CEP152: variants seen among roughly 807,000 people sequenced by gnomAD.
CEP152 encodes centrosomal protein of 152 kDa.
A neutral mutation model predicts 188.9 loss-of-function variants in CEP152; 132 were observed. The ratio of observed to expected loss-of-function variants is 0.70; its 90% CI spans 0.61 to 0.81. The LOEUF (loss-of-function observed/expected upper bound fraction) is 0.81, where lower values mean the gene tolerates loss of function less well. CEP152 is among the 30% of genes least tolerant of loss of function. The probability of loss-of-function intolerance (pLI) is 0.00; values close to 1 mark genes in which losing one functional copy is unlikely to be tolerated. For missense variants in CEP152, 1,914 were observed against 1,969.8 expected (o/e 0.97, Z 0.54); for synonymous variants, 649 against 666.6 (o/e 0.97, Z 0.41).
At chr15:48,798,670 T>C (rs534898174) in intron 2 of CEP152, among the ~76,000 whole-genome samples, 6 of 152,332 alleles carry the variant, frequency 3.9e-5, no homozygotes, top group Non-Finnish European at 5.9e-5. Context: ...CTGTTTTCTA[T>C]AGATAGCACA....
chr15:48,756,261 GC>G lies in CEP152; in HGVS notation c.2986del (p.Ala996GlnfsTer7). ...TTGTTTCATAAAGTCTTCTTTAGCT[GC>G]CGCAAGCACCTCATTAATTTTATTT... ...HRNKINEVLA[A>X]AKEDFMKQKT... On this transcript the variant is annotated frameshift_variant, in exon 20 of 27. Transcript: ENST00000380950. LOFTEE classifies it high-confidence loss of function. 6.3e-7 allele frequency: 1 copy of G among 1,596,992 alleles called. No individual in the cohort carries two copies. The highest frequency in any genetic ancestry group is 8.5e-7 in the Non-Finnish European group (1 of 1,171,792).
chr15:48,744,160 C>T, intron 24 of CEP152, 80 bp downstream of exon 24: 3 of 1,568,714 alleles, frequency 1.9e-6, no homozygotes, highest in Admixed American at 1.8e-5. Flanking sequence ...AGAACTACTG[C>T]TGGTAAACTC....
Position 48,729,995 on chromosome 15 carries a change from G to GC in CEP152, c.142+11635dup, listed in dbSNP as rs200251577. On this transcript the variant is annotated intron_variant and NMD_transcript_variant, in intron 2 of 3. Transcript: ENST00000561245. ...ACTGGAGTGAAGAAGCTCCCCACCG[G>GC]CCCCCCCCAAAAAAAATTACTACAA... 5.3e-3 allele frequency among the ~76,000 whole-genome samples: 800 copies of GC among 150,594 alleles called. 5 individuals carry two copies. The highest frequency in any genetic ancestry group is 0.016 in the African/African-American group (654 of 41,022).
intron 12 of CEP152, among the ~76,000 whole-genome samples, chr15:48,774,905 T>A (rs1364703222): frequency 6.6e-6 from 1 of 151,774 alleles, no homozygotes; most frequent in African/African-American, 2.4e-5. Flanking sequence ...AAAAAGATAC[T>A]TGAAGTGAAT....
At chr15:48,785,442 A>G (rs1476977222) in intron 9 of CEP152, among the ~76,000 whole-genome samples, 1 of 152,184 alleles carries the variant, frequency 6.6e-6, no homozygotes, top group East Asian at 1.9e-4. Context: ...CTAAAGCGCC[A>G]AAGTAACGTG....
rs548795112 is a variant in CEP152 at position 48,785,748 on chromosome 15, CA to C, written c.1174-1629del. Among the ~76,000 whole-genome samples, 322 of 151,470 alleles carry C rather than the reference CA, an allele frequency of 2.1e-3. 1 individual carries two copies. The highest frequency in any genetic ancestry group is 7.3e-3 in the African/African-American group (302 of 41,296). ...ACTTTAAAGTTTAAAGTTTTAATAC[CA>C]AAAATCAAAAAAGATTGAGTAGCTC... On this transcript the variant is annotated intron_variant, in intron 9 of 26. Coordinates refer to ENST00000380950, the MANE Select transcript of CEP152 (RefSeq NM_001194998.2).
At chr15:48,773,810 A>G (rs1467408013) in intron 12 of CEP152, among the ~76,000 whole-genome samples, 2 of 152,228 alleles carry the variant, frequency 1.3e-5, no homozygotes, top group Non-Finnish European at 2.9e-5. Flanking sequence ...TGTGTCACAG[A>G]AAAAGTACAA....
chr15:48,769,189 T>C (rs987227943), intron 13 of CEP152, 108 bp from the exon 14 acceptor site: 1 of 863,878 alleles, frequency 1.2e-6, no homozygotes, highest in Non-Finnish European at 1.8e-6. Flanking sequence ...ATAATCTCCA[T>C]ATAGCTTTTA....
intron 24 of CEP152, among the ~76,000 whole-genome samples, chr15:48,742,810 A>ATT (rs746099967): frequency 6.8e-6 from 1 of 146,554 alleles, no homozygotes; most frequent in African/African-American, 2.5e-5. Flanking sequence ...GCTAACTTTT[A>ATT]TTTTTTTTTT....
At chr15:48,774,700 C>T (rs1049236582) in intron 12 of CEP152, among the ~76,000 whole-genome samples, 1 of 130,980 alleles carries the variant, frequency 7.6e-6, no homozygotes, top group African/African-American at 3.5e-5. Context: ...GCTTGGAGAA[C>T]CAAACAGATT....
rs1420651923 is a variant in CEP152, at chr15:48,738,497, T to A, written c.4885A>T (p.Thr1629Ser). ...DTEESNMICQ[T>S]MKCQRYQTPY... ...GTTTGATAACGCTGACATTTCATTG[T>A]TTGACAAATCATATTACTTTCCTCT... Residue 1629 changes from threonine (T) to serine (S), a missense_variant, in exon 27 of 27, where the codon ACA becomes TCA. By Grantham distance (58) the Thr-to-Ser change is moderately conservative. Coordinates refer to ENST00000380950, the MANE Select transcript of CEP152 (RefSeq NM_001194998.2). 1 of 1,614,110 alleles carries A rather than the reference T, an allele frequency of 6.2e-7. No individual in the cohort carries two copies. The highest frequency in any genetic ancestry group is 2.2e-5 in the East Asian group (1 of 44,898).
intron 22 of CEP152, among the ~76,000 whole-genome samples, chr15:48,747,879 G>A (rs536950627): frequency 6.6e-6 from 1 of 152,208 alleles, no homozygotes; most frequent in African/African-American, 2.4e-5. Flanking sequence ...GGACTAGAAG[G>A]AGGCCAGTCC....
Position 48,767,139 on chromosome 15 carries a change from AG to A in CEP152, c.2200del (p.Leu734Ter), listed in dbSNP as rs779932025. The A allele has an allele frequency of 6.2e-7, 1 of 1,613,660 alleles. No homozygotes were observed. The highest frequency in any genetic ancestry group is 8.5e-7 in the Non-Finnish European group (1 of 1,180,010). Reference sequence around the variant, plus strand: ...ATTATCCTTCTCTCTGCACACTTCTAGGTAACATTCCTGCACAGCAGTCACC... The same window carrying A: ...ATTATCCTTCTCTCTGCACACTTCTAGTAACATTCCTGCACAGCAGTCACC... ...KEVTAVQECY[L>X]EVCREKDNLE... is the part of the protein sequence containing the mutation. On this transcript the variant is annotated frameshift_variant, in exon 17 of 27. Transcript: ENST00000380950. LOFTEE classifies it high-confidence loss of function.
intron 19 of CEP152, among the ~76,000 whole-genome samples, chr15:48,756,907 GC>G (rs1894321319): frequency 6.6e-6 from 1 of 152,084 alleles, no homozygotes; most frequent in Non-Finnish European, 1.5e-5. Flanking sequence ...TTTACCTAAA[GC>G]AAAAGCGGAC....
At chr15:48,763,759 T>TTAG (rs1894866015) in intron 17 of CEP152, among the ~76,000 whole-genome samples, 1 of 152,242 alleles carries the variant, frequency 6.6e-6, no homozygotes, top group South Asian at 2.1e-4. Flanking sequence ...GATCATACTT[T>TTAG]GTTCCCTAAC....
At position 48,805,499 on chromosome 15, in the gene CEP152, A is replaced by C. The variant is rs891711259; in HGVS notation, c.87+64T>G. The C allele has an allele frequency of 3.2e-6, 5 of 1,557,352 alleles. No individual in the cohort carries two copies. The African/African-American group carries it at 5.5e-5, about 17-fold the overall frequency. ...ACACAAGATGATACAATTTTGATCA[A>C]GAAATAAAACTTGTTAAAGATTGGG... On this transcript the variant is annotated intron_variant, in intron 2 of 26. Transcript: ENST00000380950.
At chr15:48,766,622 C>G (rs1057032416) in intron 17 of CEP152, among the ~76,000 whole-genome samples, 1 of 152,038 alleles carries the variant, frequency 6.6e-6, no homozygotes, top group African/African-American at 2.4e-5. Flanking sequence ...ACTCTTCTCC[C>G]CAGAAGAATA....
At position 48,781,249 on chromosome 15, in the gene CEP152, C is replaced by T. The variant is rs200379894; in HGVS notation, c.1524G>A (p.Ser508=). The change falls in exon 12 of 27, where the codon TCG becomes TCA. Residue 508 remains serine, a synonymous_variant. Coordinates refer to ENST00000380950, the MANE Select transcript of CEP152 (RefSeq NM_001194998.2). The part of the protein sequence containing the change: ...EGELNIELTE[S]YVDLGIKKVN... Reference sequence around the variant, plus strand: ...CCTTTTTAATACCCAAATCCACATACGATTCAGTGAGTTCTATATTTAATT... The same window carrying T: ...CCTTTTTAATACCCAAATCCACATATGATTCAGTGAGTTCTATATTTAATT... 21 of 1,613,406 alleles carry T rather than the reference C, an allele frequency of 1.3e-5. No individual in the cohort carries two copies. The highest frequency in any genetic ancestry group is 3.3e-4 in the Middle Eastern group (2 of 6,052).
chr15:48,763,733 C>T lies in CEP152; in HGVS notation c.2281-1061G>A, dbSNP rs187408215. ...TGAGAATTCTTTTTTGTTTTCATTT[C>T]TAAATAAGCTTTTAGGATCATACTT... is the stretch of plus-strand genomic sequence containing the variant. On this transcript the variant is annotated intron_variant, in intron 17 of 26. Transcript: ENST00000380950. Among the ~76,000 whole-genome samples the T allele has an allele frequency of 3.5e-4, 53 of 152,146 alleles. 1 individual carries two copies. The highest frequency in any genetic ancestry group is 1.3e-3 in the African/African-American group (52 of 41,522).
Sources: allele counts gnomAD v4.1 joint callset (sites outside exome capture counted in the v4.1 genomes callset), GRCh38; gene constraint gnomAD v4.1.1; transcripts MANE v1.5; gene names NCBI Gene and HGNC (gene_info 2026-07-23, HGNC 2026-07-21).